The following CCNH variants were observed in gnomAD, a reference collection of about 807,000 sequenced individuals.
CCNH encodes the protein cyclin-H.
CCNH carries 31 observed loss-of-function variants against 41.9 expected under a neutral mutation model. That is an observed-to-expected ratio of 0.74 (90% CI 0.56 to 1.00). CCNH has a LOEUF of 1.00. Ranked by LOEUF, CCNH falls within the 50% of genes least tolerant of loss-of-function variation. CCNH has a pLI of 0.00. For missense variants in CCNH, 362 were observed against 388.4 expected (o/e 0.93, Z 0.57); for synonymous variants, 138 against 136.1 (o/e 1.01, Z -0.10).
downstream of CCNH, chr5:87,386,891 A>G (rs997491956): frequency 7.4e-6 from 12 of 1,611,686 alleles, no homozygotes; most frequent in Non-Finnish European, 1.0e-5. Context: ...TCATGTTTTT[A>G]GATGAACTTG....
At chr5:87,399,865 C>T (rs1413085516) in intron 6 of CCNH, among the ~76,000 whole-genome samples, 1 of 152,176 alleles carries the variant, frequency 6.6e-6, no homozygotes, top group Non-Finnish European at 1.5e-5. Context: ...CTATCACCAA[C>T]CATCTTCGTA....
downstream of CCNH, among the ~76,000 whole-genome samples, chr5:87,371,616 A>G (rs1311032804): frequency 6.6e-6 from 1 of 152,046 alleles, no homozygotes; most frequent in East Asian, 1.9e-4. Flanking sequence ...CCCCTTATAC[A>G]TTTCTACCTG....
downstream of CCNH, chr5:87,374,270 T>G (rs1761157020): frequency 1.2e-6 from 2 of 1,605,064 alleles, no homozygotes; most frequent in Middle Eastern, 3.3e-4. Flanking sequence ...TAGCAAAAAC[T>G]CATGCAAGGG....
intron 9 of CCNH, among the ~76,000 whole-genome samples, chr5:87,321,625 C>T (rs770467321): frequency 2.0e-5 from 3 of 152,246 alleles, no homozygotes; most frequent in Non-Finnish European, 4.4e-5. Flanking sequence ...ATGGCAAGGT[C>T]TGGATGCCAT....
chr5:87,409,819 T>C (rs1311507236), intron 2 of CCNH, among the ~76,000 whole-genome samples: 1 of 152,206 alleles, frequency 6.6e-6, no homozygotes, highest in Non-Finnish European at 1.5e-5. Context: ...ATTTGTGATA[T>C]AACCATGTAT....
At chr5:87,352,333 A>C (rs1049690300) in intron 9 of CCNH, among the ~76,000 whole-genome samples, 2 of 151,118 alleles carry the variant, frequency 1.3e-5, no homozygotes, top group Non-Finnish European at 3.0e-5. Context: ...TATTCTAATT[A>C]TATATATATA....
chr5:87,320,211 C>G (rs1042172974), intron 9 of CCNH, among the ~76,000 whole-genome samples: 1 of 152,192 alleles, frequency 6.6e-6, no homozygotes, highest in Admixed American at 6.5e-5. Flanking sequence ...GAGCAAGTCT[C>G]TAGGAAGTCT....
chr5:87,337,911 G>C, intron 9 of CCNH: 1 of 1,480,872 alleles, frequency 6.8e-7, no homozygotes, highest in East Asian at 2.5e-5. Flanking sequence ...TGTGGTATAT[G>C]ACTATTCTAA....
intron 9 of CCNH, among the ~76,000 whole-genome samples, chr5:87,356,509 G>A (rs1759662389): frequency 6.6e-6 from 1 of 151,734 alleles, no homozygotes; most frequent in South Asian, 2.1e-4. Context: ...CCTGCCTCAG[G>A]CTCCCCAGTA....
At chr5:87,388,149 A>C (rs2112521023), downstream of CCNH, among the ~76,000 whole-genome samples, 1 of 152,304 alleles carries the variant, frequency 6.6e-6, no homozygotes, top group East Asian at 1.9e-4. Context: ...TGATTACTTT[A>C]TTCTAAAGTC....
rs137898246 is a variant in CCNH, at chr5:87,385,308, A to G, written c.*90+7462T>C. On this transcript the variant is annotated intron_variant and NMD_transcript_variant, in intron 9 of 9. Coordinates refer to the CCNH transcript ENST00000645953. ...TGCCCAATTCTGTTACAGATTCTCC[A>G]TCTCCTATTGCTGCAAGAACACTGA... is the stretch of plus-strand genomic sequence containing the variant. 1.2e-6 allele frequency: 2 copies of G among 1,605,756 alleles called. No homozygotes were observed. Among genetic ancestry groups the G allele is most frequent in the African/African-American group, 1.3e-5 (1 of 74,830 alleles).
In CCNH at chr5:87,343,272, C is replaced by T. The variant is rs368461964; in HGVS notation, c.*91-24375G>A. Among the ~76,000 whole-genome samples the T allele has an allele frequency of 7.9e-5, 12 of 152,266 alleles. No homozygotes were observed. The East Asian group carries it at 9.7e-4, about 12-fold the overall frequency. On this transcript the variant is annotated intron_variant and NMD_transcript_variant, in intron 9 of 9. Coordinates refer to the CCNH transcript ENST00000645953. ...AAAGTATTTCTTAAATGTTTACCGC[C>T]TTCTCAAATCTTAAATAACTACATT...
At chr5:87,378,640 A>G (rs1761488373), upstream of CCNH, 2 of 1,257,926 alleles carry the variant, frequency 1.6e-6, no homozygotes, top group East Asian at 2.6e-5. Flanking sequence ...TTAAATTTCT[A>G]AAATTATTCC....
At chr5:87,313,084 A>G in the CCNH span, among the ~76,000 whole-genome samples, 1 of 152,200 alleles carries the variant, frequency 6.6e-6, no homozygotes, top group African/African-American at 2.4e-5. Context: ...TTGAGTGTCA[A>G]CAAGTTGTAT....
At chr5:87,379,675 CTA>C (rs1185384597), upstream of CCNH, 4 of 1,590,064 alleles carry the variant, frequency 2.5e-6, no homozygotes, top group Non-Finnish European at 3.4e-6. Flanking sequence ...TTGTTTTCCT[CTA>C]TTCATTTGCA....
At chr5:87,336,590 A>C (rs534765257) in intron 9 of CCNH, among the ~76,000 whole-genome samples, 4 of 152,254 alleles carry the variant, frequency 2.6e-5, no homozygotes, top group African/African-American at 9.6e-5. Flanking sequence ...ATTACTACTA[A>C]CAAGCTTATT....
chr5:87,411,247 G>A lies in CCNH; in HGVS notation c.217C>T (p.Pro73Ser). The A allele has an allele frequency of 1.2e-6, 2 of 1,611,912 alleles. No individual in the cohort carries two copies. The highest frequency in any genetic ancestry group is 2.2e-5 in the South Asian group (2 of 90,612). Reference protein sequence around the residue: ...RLLEFCSVFKPAMPRSVVGTA... With the variant: ...RLLEFCSVFKSAMPRSVVGTA... ...ACCACAACAGATCTTGGCATTGCTG[G>A]CTTAAACACCGAACAGAATTCCAAT... is the stretch of plus-strand genomic sequence containing the variant. Residue 73 changes from proline (P) to serine (S), a missense_variant, in exon 2 of 9, where the codon CCA becomes TCA. Coordinates refer to ENST00000256897, the MANE Select transcript of CCNH (RefSeq NM_001239.4).
intron 9 of CCNH, among the ~76,000 whole-genome samples, chr5:87,354,345 G>A (rs2112434693): frequency 6.6e-6 from 1 of 152,192 alleles, no homozygotes; most frequent in East Asian, 1.9e-4. Flanking sequence ...GTGCTCATTT[G>A]TGTCTTAGTG....
At chr5:87,314,098 G>A (rs545053849), downstream of CCNH, among the ~76,000 whole-genome samples, 1 of 152,258 alleles carries the variant, frequency 6.6e-6, no homozygotes, top group African/African-American at 2.4e-5. Context: ...GCTTGAACCC[G>A]GGACGTGGAG....
Sources: allele counts gnomAD v4.1 joint callset (sites outside exome capture counted in the v4.1 genomes callset), GRCh38; gene constraint gnomAD v4.1.1; transcripts MANE v1.5; gene names NCBI Gene and HGNC (gene_info 2026-07-23, HGNC 2026-07-21).